The following RNGTT variants were observed in gnomAD, a reference collection of about 807,000 sequenced individuals.
RNGTT encodes the protein mRNA-capping enzyme.
Under a neutral mutation model 79.3 loss-of-function variants are expected in RNGTT, and 33 were observed. That is an observed-to-expected ratio of 0.42 (90% confidence interval 0.32 to 0.56). The LOEUF (loss-of-function observed/expected upper bound fraction) is 0.56, where lower values mean the gene tolerates loss of function less well. RNGTT is among the 20% of genes least tolerant of loss of function. RNGTT has a pLI of 0.17. For missense variants in RNGTT, 497 were observed against 739.1 expected (o/e 0.67, Z 3.80); for synonymous variants, 222 against 235.9 (o/e 0.94, Z 0.54).
chr6:88,678,329 T>C, intron 14 of RNGTT, 24 bp downstream of exon 14: 1 of 1,588,046 alleles, frequency 6.3e-7, no homozygotes, highest in Non-Finnish European at 8.6e-7. Flanking sequence ...CCAGGAAAAG[T>C]ACACTGAAAA....
At chr6:88,812,342 T>G (rs956370702) in intron 11 of RNGTT, among the ~76,000 whole-genome samples, 1 of 152,228 alleles carries the variant, frequency 6.6e-6, no homozygotes, top group Non-Finnish European at 1.5e-5. Context: ...TAATTTTGGT[T>G]GCCGTTAGTC....
At chr6:88,831,558 C>T (rs1047416089) in intron 11 of RNGTT, among the ~76,000 whole-genome samples, 11 of 152,152 alleles carry the variant, frequency 7.2e-5, no homozygotes, top group African/African-American at 2.4e-4. Context: ...CTTACCATTC[C>T]TATTCAACAT....
chr6:88,837,792 C>T (rs1043901209), intron 11 of RNGTT, among the ~76,000 whole-genome samples: 2 of 152,070 alleles, frequency 1.3e-5, no homozygotes, highest in Non-Finnish European at 1.5e-5. Context: ...ATAAAACAAA[C>T]GCATACTTGT....
At chr6:88,695,403 A>G (rs1775627812) in intron 13 of RNGTT, among the ~76,000 whole-genome samples, 1 of 152,228 alleles carries the variant, frequency 6.6e-6, no homozygotes, top group Admixed American at 6.5e-5. Context: ...CAGGTATATG[A>G]AAAATTGTTC....
chr6:88,775,489 G>A (rs1362360740), intron 12 of RNGTT, among the ~76,000 whole-genome samples: 1 of 152,090 alleles, frequency 6.6e-6, no homozygotes, highest in Non-Finnish European at 1.5e-5. Context: ...CAACTGAGAG[G>A]GGGGATAAAA....
intron 13 of RNGTT, among the ~76,000 whole-genome samples, chr6:88,756,551 TG>T (rs1203097967): frequency 1.3e-5 from 2 of 152,298 alleles, no homozygotes; most frequent in African/African-American, 4.8e-5. Flanking sequence ...AAATGTTGAA[TG>T]GACTAAATTC....
Position 88,890,480 on chromosome 6 carries a change from A to G in RNGTT, c.896+15T>C, listed in dbSNP as rs756520394. On this transcript the variant is annotated intron_variant, in intron 8 of 15. Transcript: ENST00000369485. ...TTAGGGTTATTTGTGTAATTTTTTT[A>G]GAAGTCTAACTTACCGAGTACCATC... 4 of 1,515,666 alleles carry G rather than the reference A, an allele frequency of 2.6e-6. No homozygotes were observed. In the Admixed American group the frequency reaches 7.0e-5, roughly 27 times the overall value. 93.9% of individuals were successfully genotyped at this position (1,515,666 alleles called of 1,614,324 possible). A position where few individuals can be genotyped will look rare whatever the true frequency, so the allele number is the denominator to read the frequency against.
intron 10 of RNGTT, among the ~76,000 whole-genome samples, chr6:88,847,402 T>G (rs1441421274): frequency 6.6e-6 from 1 of 152,130 alleles, no homozygotes; most frequent in Non-Finnish European, 1.5e-5. Flanking sequence ...GACAAGCTAA[T>G]AAACTAAGGG....
chr6:88,949,258 CTTTTTTT>C (rs1237749319), intron 1 of RNGTT, among the ~76,000 whole-genome samples: 3 of 106,280 alleles, frequency 2.8e-5, no homozygotes, highest in African/African-American at 1.2e-4. Context: ...AATAATCAGT[CTTTTTTT>C]TTTTTTTTTT....
intron 6 of RNGTT, among the ~76,000 whole-genome samples, chr6:88,902,746 G>T (rs1783515564): frequency 7.1e-6 from 1 of 140,062 alleles, no homozygotes; most frequent in Non-Finnish European, 1.5e-5. Flanking sequence ...ACCCAGGCTG[G>T]GTACAGTGGC....
At chr6:88,799,921 T>G (rs1358622676) in intron 12 of RNGTT, among the ~76,000 whole-genome samples, 1 of 152,144 alleles carries the variant, frequency 6.6e-6, no homozygotes, top group Non-Finnish European at 1.5e-5. Context: ...CTAGGGAGAC[T>G]GGAATATATT....
intron 13 of RNGTT, among the ~76,000 whole-genome samples, chr6:88,757,636 T>C (rs1318961458): frequency 6.6e-6 from 1 of 152,288 alleles, no homozygotes. Flanking sequence ...AAAGACAACA[T>C]ATGATGTTAT....
chr6:88,732,847 A>T (rs1271110147), intron 13 of RNGTT, among the ~76,000 whole-genome samples: 1 of 152,184 alleles, frequency 6.6e-6, no homozygotes, highest in Non-Finnish European at 1.5e-5. Flanking sequence ...TTCACAGGAT[A>T]AAAAAAGTTC....
chr6:88,802,669 G>A (rs1779829611), intron 11 of RNGTT, among the ~76,000 whole-genome samples: 1 of 152,286 alleles, frequency 6.6e-6, no homozygotes, highest in South Asian at 2.1e-4. Context: ...CACAGTCATG[G>A]CAGAAGGTGA....
intron 14 of RNGTT, among the ~76,000 whole-genome samples, chr6:88,675,253 A>C: frequency 6.6e-6 from 1 of 152,232 alleles, no homozygotes; most frequent in East Asian, 1.9e-4. Flanking sequence ...GAATCAATTA[A>C]CCAACCCTCA....
chr6:88,900,518 G>GT (rs1783413014), intron 6 of RNGTT, among the ~76,000 whole-genome samples: 1 of 149,892 alleles, frequency 6.7e-6, no homozygotes, highest in Non-Finnish European at 1.5e-5. Context: ...TGGGTCACCT[G>GT]AGGTCAGGAG....
At chr6:88,801,660 T>C (rs769410063) in intron 11 of RNGTT, 28 bp from the exon 12 acceptor site, 1 of 1,397,098 alleles carries the variant, frequency 7.2e-7, no homozygotes, top group Non-Finnish European at 1.0e-6. Flanking sequence ...ATGTATTCTT[T>C]AAAAATATAA....
intron 14 of RNGTT, among the ~76,000 whole-genome samples, chr6:88,649,463 C>T (rs1437130976): frequency 2.0e-5 from 3 of 152,186 alleles, no homozygotes; most frequent in African/African-American, 7.2e-5. Context: ...CTTTGGGAGG[C>T]CGAGGCGGTG....
At chr6:88,739,729 A>ATATATATATATATG (rs1777409214) in intron 13 of RNGTT, among the ~76,000 whole-genome samples, 1 of 10,936 alleles carries the variant, frequency 9.1e-5, no homozygotes. Flanking sequence ...AAAAAATTAT[A>ATATATATATATATG]TATATATATA....
Sources: gnomAD v4.1 joint callset for allele counts (sites outside exome capture counted in the v4.1 genomes callset) on GRCh38, gnomAD v4.1.1 for gene constraint, MANE v1.5 for transcripts, NCBI Gene and HGNC (gene_info 2026-07-23, HGNC 2026-07-21) for gene names.